The following VIT variants were observed in gnomAD, a reference collection of about 807,000 sequenced individuals.
The protein encoded by VIT is vitrin.
In VIT, 99 loss-of-function variants were observed where a neutral mutation model predicts 78.0. That is an observed-to-expected ratio of 1.27 (90% CI 1.08 to 1.50). The LOEUF is 1.50. VIT is among the 40% of genes most tolerant of loss of function. The probability of loss-of-function intolerance (pLI) is 0.00; values close to 1 mark genes in which losing one functional copy is unlikely to be tolerated. For missense variants in VIT, 1,126 were observed against 875.3 expected (o/e 1.29, Z -3.61); for synonymous variants, 374 against 334.3 (o/e 1.12, Z -1.29).
At chr2:36,779,470 C>T (rs1470583053) in intron 9 of VIT, among the ~76,000 whole-genome samples, 1 of 152,160 alleles carries the variant, frequency 6.6e-6, no homozygotes, top group Non-Finnish European at 1.5e-5. Context: ...TAATTTCCAA[C>T]TTGTATTCTA....
chr2:36,806,510 T>A (rs1335700888), intron 14 of VIT, among the ~76,000 whole-genome samples: 4 of 152,126 alleles, frequency 2.6e-5, no homozygotes, highest in African/African-American at 7.2e-5. Flanking sequence ...GGCCCTCTCC[T>A]GCAGGATCCC....
chr2:36,729,460 A>C lies in VIT; in HGVS notation c.87A>C (p.Glu29Asp), dbSNP rs1477133868. 2 of 1,609,388 alleles carry C rather than the reference A, an allele frequency of 1.2e-6. No homozygotes were observed. The highest frequency in any genetic ancestry group is 1.7e-6 in the Non-Finnish European group (2 of 1,178,144). ...LLVTGVHSNK[E>D]TAKKIKRPKF... is the part of the protein sequence containing the mutation. ...TGACTGGAGTACATTCAAACAAAGAAACGGCAAAGAAGATTAAAAGGCCCA... is the reference window on the plus strand; with the variant it reads ...TGACTGGAGTACATTCAAACAAAGACACGGCAAAGAAGATTAAAAGGCCCA... The change falls in exon 3 of 16, where the codon GAA becomes GAC. Residue 29 changes from glutamate to aspartate, a missense_variant. Physicochemically the swap from Glu to Asp is conservative, Grantham distance 45. Transcript: ENST00000379242.
At position 36,699,622 on chromosome 2, in the gene VIT, ATAGG is replaced by A. The variant is rs60920135; in HGVS notation, c.-19+2653_-19+2656del. On this transcript the variant is annotated intron_variant, in intron 1 of 15. Transcript: ENST00000379242. ...TATAGATATAGATATAGATAGATATATAGGTAGATAGATAGATAGATAGATAGAT... is the reference window on the plus strand; with the variant it reads ...TATAGATATAGATATAGATAGATATATAGATAGATAGATAGATAGATAGAT... Among the ~76,000 whole-genome samples the A allele has an allele frequency of 2.1e-3, 294 of 137,312 alleles. 2 individuals carry two copies. The highest frequency in any genetic ancestry group is 7.2e-3 in the African/African-American group (264 of 36,638). 90.1% of individuals were successfully genotyped at this position (137,312 alleles called of 152,430 possible). A position where few individuals can be genotyped will look rare whatever the true frequency, so the allele number is the denominator to read the frequency against.
chr2:36,727,968 G>A (rs1161076641), intron 2 of VIT, among the ~76,000 whole-genome samples: 2 of 152,132 alleles, frequency 1.3e-5, no homozygotes, highest in Non-Finnish European at 2.9e-5. Flanking sequence ...TCACTCTGTC[G>A]CCCAGGCTGG....
chr2:36,799,921 A>G lies in VIT; in HGVS notation c.1059-1380A>G, dbSNP rs546669339. ...AAATTAGCTGGGTGTGGTGACACGC[A>G]CCGGTAGTCCCAGCTACTTGGGAGA... is the stretch of plus-strand genomic sequence containing the variant. On this transcript the variant is annotated intron_variant, in intron 12 of 15. Coordinates refer to ENST00000379242, the MANE Select transcript of VIT (RefSeq NM_053276.4). Among the ~76,000 whole-genome samples, 6 of 151,768 alleles carry G rather than the reference A, an allele frequency of 4.0e-5. No homozygotes were observed. The East Asian group carries it at 7.8e-4, about 20-fold the overall frequency.
chr2:36,797,886 G>C (rs1432185251), intron 12 of VIT, among the ~76,000 whole-genome samples: 1 of 152,184 alleles, frequency 6.6e-6, no homozygotes, highest in Non-Finnish European at 1.5e-5. Flanking sequence ...CACGGTGTTG[G>C]TTAGAGAAAG....
intron 4 of VIT, 64 bp downstream of exon 4, chr2:36,743,320 G>A: frequency 4.2e-6 from 6 of 1,444,538 alleles, no homozygotes; most frequent in Non-Finnish European, 5.6e-6. Flanking sequence ...GAGCCCCCAT[G>A]CAAGGTTGCC....
chr2:36,699,210 AG>A (rs1172052536), intron 1 of VIT, among the ~76,000 whole-genome samples: 6 of 152,012 alleles, frequency 3.9e-5, no homozygotes, highest in African/African-American at 7.2e-5. Context: ...GGTGCACTGG[AG>A]AGGTTACTCA....
chr2:36,709,317 T>A (rs1665656785), intron 1 of VIT, among the ~76,000 whole-genome samples: 1 of 152,174 alleles, frequency 6.6e-6, no homozygotes, highest in South Asian at 2.1e-4. Flanking sequence ...CCTTGGAAAG[T>A]CCGTAACCTT....
rs769955792 is a variant in VIT, at chr2:36,783,378, G to C, written c.886G>C (p.Glu296Gln). 8.7e-6 allele frequency: 14 copies of C among 1,614,070 alleles called. No homozygotes were observed. The highest frequency in any genetic ancestry group is 1.3e-5 in the African/African-American group (1 of 74,998). Residue 296 changes from glutamate to glutamine, a missense_variant, in exon 11 of 16, where the codon GAG (glutamate) becomes CAG (glutamine). Glu to Gln is a conservative substitution (Grantham distance 29). Transcript: ENST00000379242. ...PKEELSTQSL[E>Q]PVSLGDPNCK... ...AGAAGAATTGAGCACACAGTCTTTG[G>C]AGCCAGTATCCCTGGGAGATCCAAG...
At chr2:36,777,765 C>G (rs936838016) in intron 9 of VIT, among the ~76,000 whole-genome samples, 1 of 152,186 alleles carries the variant, frequency 6.6e-6, no homozygotes, top group African/African-American at 2.4e-5. Flanking sequence ...TGCAATCTTC[C>G]TGAGTATTCG....
At chr2:36,756,223 G>T (rs894873473) in intron 5 of VIT, among the ~76,000 whole-genome samples, 3 of 152,086 alleles carry the variant, frequency 2.0e-5, no homozygotes, top group Non-Finnish European at 4.4e-5. Context: ...CTCCCAAAGT[G>T]CTGGGATTAC....
chr2:36,757,958 C>G (rs745735163), intron 5 of VIT, among the ~76,000 whole-genome samples: 1 of 152,146 alleles, frequency 6.6e-6, no homozygotes, highest in African/African-American at 2.4e-5. Flanking sequence ...CATGACCCTA[C>G]GATTCCTGTG....
At chr2:36,767,471 G>A (rs925105503) in intron 7 of VIT, among the ~76,000 whole-genome samples, 186 bp downstream of exon 7, 1 of 152,208 alleles carries the variant, frequency 6.6e-6, no homozygotes, top group Non-Finnish European at 1.5e-5. Context: ...AAATAAGACT[G>A]CTGTCACCGT....
chr2:36,755,081 G>A (rs1668685080), intron 5 of VIT, 27 bp downstream of exon 5: 1 of 1,602,172 alleles, frequency 6.2e-7, no homozygotes, highest in Admixed American at 1.7e-5. Flanking sequence ...GAGAAACGCT[G>A]CTAAACCTAC....
chr2:36,786,691 A>C (rs1351299057), intron 11 of VIT, among the ~76,000 whole-genome samples: 1 of 152,236 alleles, frequency 6.6e-6, no homozygotes, highest in East Asian at 1.9e-4. Context: ...CTGGCCTTGC[A>C]GATCTCTCAC....
rs10179289 is a variant in VIT, at chr2:36,759,406, A to G, written c.487+360A>G. The G allele has an allele frequency of 0.99, 1,331,856 of 1,339,348 alleles. 662,526 individuals are homozygous for G. Among genetic ancestry groups the G allele is most frequent in the East Asian group, 1 (31,234 of 31,234 alleles). 83.0% of individuals were successfully genotyped at this position (1,339,348 alleles called of 1,614,324 possible). A position where few individuals can be genotyped will look rare whatever the true frequency, so the allele number is the denominator to read the frequency against. ...AAAGGAAAAAGCTGTATCTACTTAG[A>G]TATGAAATGAAGAGAAGCAAAGAGA... is the stretch of plus-strand genomic sequence containing the variant. On this transcript the variant is annotated intron_variant, in intron 6 of 15. Coordinates refer to ENST00000379242, the MANE Select transcript of VIT (RefSeq NM_053276.4).
In VIT at chr2:36,729,429, T is replaced by C. The variant is rs1667058086; in HGVS notation, c.56T>C (p.Leu19Ser). ...TTTAAAAATTTTCTTCATGTAGTTT[T>C]GCTGGTGACTGGAGTACATTCAAAC... ...KASVIEMFLVLLVTGVHSNKE... is the reference protein window; with the variant it reads ...KASVIEMFLVSLVTGVHSNKE... The change falls in exon 3 of 16, where the codon TTG becomes TCG. Residue 19 changes from leucine to serine, a missense_variant. Physicochemically the swap from Leu to Ser is moderately radical, Grantham distance 145 (BLOSUM62 -2). Coordinates refer to ENST00000379242, the MANE Select transcript of VIT (RefSeq NM_053276.4). The C allele has an allele frequency of 6.3e-7, 1 of 1,597,938 alleles. No homozygotes were observed. Among genetic ancestry groups the C allele is most frequent in the Non-Finnish European group, 8.5e-7 (1 of 1,174,758 alleles).
At chr2:36,698,013 C>T (rs1260545122) in intron 1 of VIT, among the ~76,000 whole-genome samples, 2 of 152,178 alleles carry the variant, frequency 1.3e-5, no homozygotes, top group Non-Finnish European at 2.9e-5. Flanking sequence ...TGTGTATTTT[C>T]TCTCTATGTG....
Sources: allele counts gnomAD v4.1 joint callset (sites outside exome capture counted in the v4.1 genomes callset), GRCh38; gene constraint gnomAD v4.1.1; transcripts MANE v1.5; gene names NCBI Gene and HGNC (gene_info 2026-07-23, HGNC 2026-07-21).